The following PRICKLE1 variants were observed in gnomAD, a reference collection of about 807,000 sequenced individuals.
PRICKLE1 encodes the protein prickle-like protein 1.
Under a neutral mutation model 70.2 loss-of-function variants are expected in PRICKLE1, and 14 were observed. The observed-to-expected ratio is 0.20, with a 90% CI of 0.13 to 0.31. PRICKLE1 has a LOEUF of 0.31. Ranked by LOEUF, PRICKLE1 falls within the 10% of genes least tolerant of loss-of-function variation. The pLI is 1.00. For synonymous variants in PRICKLE1, 357 were observed against 379.9 expected (o/e 0.94, Z 0.70); for missense variants, 821 against 1,026.2 (o/e 0.80, Z 2.73).
chr12:42,527,731 T>C (rs1199596830), intron 1 of PRICKLE1, among the ~76,000 whole-genome samples: 1 of 152,036 alleles, frequency 6.6e-6, no homozygotes, highest in East Asian at 1.9e-4. Context: ...CTCTGTGCCC[T>C]GATTTCTTCA....
intron 1 of PRICKLE1, among the ~76,000 whole-genome samples, chr12:42,515,240 ATTTTT>A (rs11360372): frequency 7.2e-6 from 1 of 138,694 alleles, no homozygotes; most frequent in African/African-American, 2.7e-5. Context: ...GGCATTATCT[ATTTTT>A]TTTTTTTTTT....
chr12:42,526,490 A>C (rs894132100), intron 1 of PRICKLE1, among the ~76,000 whole-genome samples: 10 of 152,082 alleles, frequency 6.6e-5, no homozygotes, highest in Admixed American at 5.2e-4. Flanking sequence ...AAGTGATGGA[A>C]GTGTCACTTA....
chr12:42,513,222 A>G (rs551125432), intron 1 of PRICKLE1, among the ~76,000 whole-genome samples: 5 of 152,172 alleles, frequency 3.3e-5, no homozygotes, highest in African/African-American at 1.2e-4. Context: ...TCGGCATCCC[A>G]AAGCACTGGG....
intron 1 of PRICKLE1, among the ~76,000 whole-genome samples, chr12:42,511,547 T>A (rs1939512764): frequency 6.6e-6 from 1 of 152,200 alleles, no homozygotes; most frequent in Non-Finnish European, 1.5e-5. Flanking sequence ...ATTGGCCTTG[T>A]TTGTTTAACT....
intron 1 of PRICKLE1, among the ~76,000 whole-genome samples, chr12:42,549,659 G>C (rs765283402): frequency 2.4e-4 from 36 of 152,122 alleles, no homozygotes; most frequent in Non-Finnish European, 4.3e-4. Flanking sequence ...TTGTGTAATA[G>C]ATGGCTCACT....
chr12:42,546,183 T>C (rs746460256), intron 1 of PRICKLE1, among the ~76,000 whole-genome samples: 6 of 152,168 alleles, frequency 3.9e-5, no homozygotes, highest in Non-Finnish European at 7.3e-5. Context: ...ATGTATAAGT[T>C]ATGAATACTC....
At chr12:42,556,838 G>A (rs1332263050) in intron 1 of PRICKLE1, among the ~76,000 whole-genome samples, 1 of 152,166 alleles carries the variant, frequency 6.6e-6, no homozygotes, top group African/African-American at 2.4e-5. Context: ...TTCACCAGTA[G>A]TTTTTATGCT....
Position 42,460,674 on chromosome 12 carries a change from G to A in PRICKLE1, c.1640-9C>T. On this transcript the variant is annotated splice_polypyrimidine_tract_variant and intron_variant, in intron 7 of 7. Transcript: ENST00000345127. Reference sequence around the variant, plus strand: ...TCCATCCACCGAAGCCCCTAGAAGAGAGGCCAAAACAAGATGTGCTTCTCA... The same window carrying A: ...TCCATCCACCGAAGCCCCTAGAAGAAAGGCCAAAACAAGATGTGCTTCTCA... 6.2e-7 allele frequency: 1 copy of A among 1,606,232 alleles called. No individual in the cohort carries two copies. The highest frequency in any genetic ancestry group is 8.5e-7 in the Non-Finnish European group (1 of 1,179,960).
In PRICKLE1 at chr12:42,514,942, T is replaced by C. The variant is rs1939581572; in HGVS notation, c.-48-42378A>G. 2.0e-5 allele frequency among the ~76,000 whole-genome samples: 3 copies of C among 151,072 alleles called. No homozygotes were observed. In the Admixed American group the frequency reaches 2.0e-4, roughly 10 times the overall value. On this transcript the variant is annotated intron_variant, in intron 1 of 7. Transcript: ENST00000345127. ...CTATCTATCTATCTATCTATCTATA[T>C]TTTTTGAGATGGAGTCTTGCTCTGT...
rs796052934 is a variant in PRICKLE1, at chr12:42,470,251, T to G, written c.241A>C (p.Asn81His). The change falls in exon 3 of 8, where the codon AAT (asparagine) becomes CAT (histidine). Residue 81 changes from asparagine to histidine, a missense_variant. Asn to His is a moderately conservative substitution (Grantham distance 68, BLOSUM62 1). Transcript: ENST00000345127. ...CCTTCTTCCTGCTATTTTACCTCAT[T>G]ATCATGTGGTGGTAACTGGTACAAA... The part of the protein sequence containing the change: ...QLLYQLPPHD[N>H]EVRYCQSLSE... 2.3e-5 allele frequency: 37 copies of G among 1,594,522 alleles called. 1 individual carries two copies. The highest frequency in any genetic ancestry group is 3.1e-5 in the Non-Finnish European group (36 of 1,162,272).
chr12:42,545,247 A>C (rs1296138412), intron 1 of PRICKLE1, among the ~76,000 whole-genome samples: 1 of 151,904 alleles, frequency 6.6e-6, no homozygotes, highest in Non-Finnish European at 1.5e-5. Context: ...CAAGTGATCT[A>C]CTCAGCTTCT....
At position 42,556,315 on chromosome 12, in the gene PRICKLE1, C is replaced by A. The variant is rs558918892; in HGVS notation, c.-49+33150G>T. Among the ~76,000 whole-genome samples, 74 of 152,278 alleles carry A rather than the reference C, an allele frequency of 4.9e-4. 1 individual carries two copies. The South Asian group carries it at 0.015, about 31-fold the overall frequency. On this transcript the variant is annotated intron_variant, in intron 1 of 7. Transcript: ENST00000345127. ...GGAAGACCTGGCTCCTCCCCTTTGC[C>A]CCATTCCATCACAAGACATGATCAT...
intron 1 of PRICKLE1, among the ~76,000 whole-genome samples, chr12:42,579,999 GTAGTTGGGAT>G (rs549276923): frequency 1.3e-5 from 2 of 152,074 alleles, no homozygotes; most frequent in South Asian, 4.2e-4. Context: ...AGCCTCCTGG[GTAGTTGGGAT>G]TACAGGCACC....
intron 1 of PRICKLE1, among the ~76,000 whole-genome samples, chr12:42,583,517 A>G (rs1450932001): frequency 2.0e-5 from 3 of 152,188 alleles, no homozygotes; most frequent in African/African-American, 7.2e-5. Flanking sequence ...ACCTTCTCCT[A>G]TATTTCATCA....
intron 1 of PRICKLE1, among the ~76,000 whole-genome samples, chr12:42,477,041 A>G (rs1429641506): frequency 6.6e-6 from 1 of 152,152 alleles, no homozygotes; most frequent in Non-Finnish European, 1.5e-5. Context: ...GTGGCAGCTA[A>G]ACACAGTTCT....
chr12:42,571,606 T>C (rs1485219063), intron 1 of PRICKLE1, among the ~76,000 whole-genome samples: 1 of 152,236 alleles, frequency 6.6e-6, no homozygotes, highest in East Asian at 1.9e-4. Flanking sequence ...CAGACCCACC[T>C]GATGGACGGG....
chr12:42,460,812 C>T (rs1937801169), intron 7 of PRICKLE1, 147 bp from the exon 8 acceptor site: 1 of 856,000 alleles, frequency 1.2e-6, no homozygotes, highest in African/African-American at 1.7e-5. Context: ...CAACATGTAT[C>T]TATGCCAATT....
intron 1 of PRICKLE1, among the ~76,000 whole-genome samples, chr12:42,518,606 G>A (rs1185013752): frequency 6.6e-6 from 1 of 152,102 alleles, no homozygotes; most frequent in Non-Finnish European, 1.5e-5. Flanking sequence ...ATTTTCCTAT[G>A]TTTGTCCCCC....
At chr12:42,552,731 T>C (rs1237460712) in intron 1 of PRICKLE1, among the ~76,000 whole-genome samples, 1 of 152,184 alleles carries the variant, frequency 6.6e-6, no homozygotes, top group Non-Finnish European at 1.5e-5. Flanking sequence ...AAAGACCCTG[T>C]TTTAAATTGG....
Sources: gnomAD v4.1 joint callset for allele counts (sites outside exome capture counted in the v4.1 genomes callset) on GRCh38, gnomAD v4.1.1 for gene constraint, MANE v1.5 for transcripts, NCBI Gene and HGNC (gene_info 2026-07-23, HGNC 2026-07-21) for gene names.